Variants in ZMAT4 observed in about 807,000 individuals in gnomAD.
The protein encoded by ZMAT4 is zinc finger matrin-type 4.
In ZMAT4, 17 loss-of-function variants were observed where a neutral mutation model predicts 28.7. The observed-to-expected ratio is 0.59, with a 90% CI of 0.41 to 0.89. The LOEUF (loss-of-function observed/expected upper bound fraction) is 0.89. ZMAT4 is among the 40% of genes least tolerant of loss of function. The pLI is 0.00. For missense variants in ZMAT4, 240 were observed against 283.8 expected, an observed-to-expected ratio of 0.85 and a Z score of 1.11; for synonymous variants, 117 against 109.2, an observed-to-expected ratio of 1.07 and a Z score of -0.44.
intron 4 of ZMAT4, among the ~76,000 whole-genome samples, chr8:40,685,106 A>T (rs1809342452): frequency 7.1e-6 from 1 of 141,200 alleles, no homozygotes; most frequent in Non-Finnish European, 1.5e-5. Context: ...AAAGCACTTT[A>T]TCTCAACTGC....
At chr8:40,551,512 G>T (rs1775719778) in intron 6 of ZMAT4, among the ~76,000 whole-genome samples, 1 of 152,130 alleles carries the variant, frequency 6.6e-6, no homozygotes, top group African/African-American at 2.4e-5. Context: ...TATAGTAGAC[G>T]ATGTATTAGT....
chr8:40,620,099 C>T (rs368689873), intron 5 of ZMAT4, among the ~76,000 whole-genome samples: 12 of 152,260 alleles, frequency 7.9e-5, no homozygotes, highest in African/African-American at 2.6e-4. Flanking sequence ...TTCTCACTAG[C>T]CGTGTAGGGT....
intron 6 of ZMAT4, among the ~76,000 whole-genome samples, chr8:40,543,914 G>A (rs1803117871): frequency 6.6e-6 from 1 of 152,128 alleles, no homozygotes; most frequent in Non-Finnish European, 1.5e-5. Context: ...AAGTGTCCAG[G>A]GAATTGAATT....
At chr8:40,693,264 G>A (rs1809732833) in intron 4 of ZMAT4, among the ~76,000 whole-genome samples, 1 of 152,140 alleles carries the variant, frequency 6.6e-6, no homozygotes, top group Non-Finnish European at 1.5e-5. Flanking sequence ...CTATAGGCAT[G>A]TGCCATCATG....
chr8:40,796,129 C>T (rs1023401160), intron 2 of ZMAT4, among the ~76,000 whole-genome samples: 4 of 152,154 alleles, frequency 2.6e-5, no homozygotes, highest in African/African-American at 4.8e-5. Context: ...AGAAAGGGGA[C>T]GTTTCCGCTC....
At position 40,798,611 on chromosome 8, in the gene ZMAT4, C is replaced by T. The variant is rs570375899; in HGVS notation, c.102+26964G>A. 8.5e-5 allele frequency among the ~76,000 whole-genome samples: 13 copies of T among 152,294 alleles called. 1 individual carries two copies. In the South Asian group the frequency reaches 1.7e-3, roughly 19 times the overall value. On this transcript the variant is annotated intron_variant, in intron 2 of 6. Coordinates refer to ENST00000297737, the MANE Select transcript of ZMAT4 (RefSeq NM_024645.3). ...GGTCCCTGCTGATGCTCCTGGTAGTCCTGATCACTTTCAACTTCTGTTGGC... is the reference window on the plus strand; with the variant it reads ...GGTCCCTGCTGATGCTCCTGGTAGTTCTGATCACTTTCAACTTCTGTTGGC...
intron 2 of ZMAT4, among the ~76,000 whole-genome samples, chr8:40,780,312 T>A (rs915246417): frequency 6.6e-6 from 1 of 152,224 alleles, no homozygotes. Context: ...AAGCCTGTTT[T>A]ATAATATAGT....
intron 1 of ZMAT4, among the ~76,000 whole-genome samples, chr8:40,893,688 G>A (rs952544429): frequency 2.0e-5 from 3 of 152,134 alleles, no homozygotes; most frequent in South Asian, 2.1e-4. Context: ...TTTTACGTCC[G>A]GGGGTACATG....
chr8:40,594,110 G>T (rs372393882), intron 5 of ZMAT4, among the ~76,000 whole-genome samples: 4 of 152,266 alleles, frequency 2.6e-5, no homozygotes, highest in Admixed American at 6.5e-5. Flanking sequence ...ATGGCTGCTT[G>T]CTTCTCCTTT....
chr8:40,639,516 G>C (rs1333172458), intron 5 of ZMAT4, among the ~76,000 whole-genome samples: 3 of 152,014 alleles, frequency 2.0e-5, no homozygotes. Context: ...AGAATAGAAA[G>C]ACAAAAATCT....
chr8:40,649,370 G>A (rs962865857), intron 5 of ZMAT4, among the ~76,000 whole-genome samples: 3 of 152,164 alleles, frequency 2.0e-5, no homozygotes, highest in East Asian at 1.9e-4. Context: ...AACAAGAAGA[G>A]CTAACTATCA....
At chr8:40,762,113 T>C (rs1284385380) in intron 3 of ZMAT4, among the ~76,000 whole-genome samples, 1 of 152,160 alleles carries the variant, frequency 6.6e-6, no homozygotes, top group African/African-American at 2.4e-5. Flanking sequence ...CAAGGGGACA[T>C]TTGACAAAGT....
intron 4 of ZMAT4, among the ~76,000 whole-genome samples, chr8:40,680,548 G>A (rs1255598506): frequency 6.6e-6 from 1 of 152,072 alleles, no homozygotes; most frequent in Admixed American, 6.6e-5. Context: ...GTCATTAGCT[G>A]GGGAAGAGGG....
chr8:40,570,298 G>T (rs996428412), intron 6 of ZMAT4, among the ~76,000 whole-genome samples: 2 of 152,144 alleles, frequency 1.3e-5, no homozygotes, highest in Non-Finnish European at 2.9e-5. Flanking sequence ...CATCTTGATT[G>T]GGCTGATGGT....
rs913094894 is a variant in ZMAT4, at chr8:40,894,171, G to T, written c.-5+3512C>A. Among the ~76,000 whole-genome samples the T allele has an allele frequency of 4.6e-5, 7 of 152,332 alleles. No individual in the cohort carries two copies. The East Asian group carries it at 1.4e-3, about 29-fold the overall frequency. ...GTGGCACAGTGAGGGCTTGCGGCTG[G>T]TGGGACTCTCCAGGTGTCAGACAGG... On this transcript the variant is annotated intron_variant, in intron 1 of 6. Transcript: ENST00000297737.
chr8:40,761,248 A>G (rs1431336120), intron 3 of ZMAT4, among the ~76,000 whole-genome samples: 1 of 152,148 alleles, frequency 6.6e-6, no homozygotes, highest in African/African-American at 2.4e-5. Context: ...TGGGTTATGG[A>G]CTTGATTCCT....
At chr8:40,672,271 AATTG>A (rs1390765838) in intron 5 of ZMAT4, among the ~76,000 whole-genome samples, 1 of 152,116 alleles carries the variant, frequency 6.6e-6, no homozygotes, top group Non-Finnish European at 1.5e-5. Flanking sequence ...TGCCTTTATT[AATTG>A]ATTGATCATA....
At chr8:40,794,637 G>A (rs1020570522) in intron 2 of ZMAT4, among the ~76,000 whole-genome samples, 1 of 152,166 alleles carries the variant, frequency 6.6e-6, no homozygotes, top group Non-Finnish European at 1.5e-5. Context: ...GCAGGGCAGC[G>A]TGGTCTGGGT....
In ZMAT4 at chr8:40,605,496, T is replaced by A. The variant is rs1585747363; in HGVS notation, c.578-24235A>T. On this transcript the variant is annotated intron_variant, in intron 5 of 6. Coordinates refer to ENST00000297737, the MANE Select transcript of ZMAT4 (RefSeq NM_024645.3). ...TCATGTATTTGTATGGTTTTGAGAG[T>A]TCCTTTTGGAATTAATTTCCAATTT... Among the ~76,000 whole-genome samples the A allele has an allele frequency of 4.6e-5, 7 of 152,172 alleles. No individual in the cohort carries two copies. In the South Asian group the frequency reaches 1.2e-3, roughly 27 times the overall value.
Sources: gnomAD v4.1 joint callset for allele counts (sites outside exome capture counted in the v4.1 genomes callset) on GRCh38, gnomAD v4.1.1 for gene constraint, MANE v1.5 for transcripts, NCBI Gene and HGNC (gene_info 2026-07-23, HGNC 2026-07-21) for gene names.